MCUR1: variants seen among roughly 807,000 people sequenced by gnomAD.
The protein encoded by MCUR1 is mitochondrial calcium uniporter regulator 1.
Under a neutral mutation model 42.0 loss-of-function variants are expected in MCUR1, and 37 were observed. The observed-to-expected ratio is 0.88, with a 90% CI of 0.68 to 1.16. The LOEUF (loss-of-function observed/expected upper bound fraction) is 1.16, where lower values mean the gene tolerates loss of function less well. MCUR1 is among the 50% of genes most tolerant of loss of function. MCUR1 has a pLI of 0.00. For missense variants in MCUR1, 469 were observed against 468.4 expected, an observed-to-expected ratio of 1.00 and a Z score of -0.01; for synonymous variants, 229 against 196.2, an observed-to-expected ratio of 1.17 and a Z score of -1.40.
In MCUR1 at chr6:13,811,244, T is replaced by C. The variant is rs9475535; in HGVS notation, c.415+2771A>G. 4.6e-3 allele frequency among the ~76,000 whole-genome samples: 705 copies of C among 152,288 alleles called. 6 individuals carry two copies. The highest frequency in any genetic ancestry group is 0.014 in the African/African-American group (596 of 41,556). ...TTACTACATTATTTCCTCATCTGTA[T>C]CATCTATTTGTCCAAGCTGCCCAGG... On this transcript the variant is annotated intron_variant, in intron 1 of 8. Transcript: ENST00000379170.
intron 1 of MCUR1, among the ~76,000 whole-genome samples, chr6:13,808,980 G>A (rs1293053463): frequency 6.6e-6 from 1 of 152,038 alleles, no homozygotes; most frequent in Non-Finnish European, 1.5e-5. Context: ...TCGCTCTATT[G>A]CCCAGGATGG....
In MCUR1 at chr6:13,791,654, C is replaced by A. The variant is rs958984802; in HGVS notation, c.1024+224G>T. Among the ~76,000 whole-genome samples the A allele has an allele frequency of 9.2e-5, 14 of 152,198 alleles. No homozygotes were observed. The East Asian group carries it at 2.7e-3, about 29-fold the overall frequency. On this transcript the variant is annotated intron_variant, in intron 8 of 8. Coordinates refer to ENST00000379170, the MANE Select transcript of MCUR1 (RefSeq NM_001031713.4). ...TATCTTATCAAATTTCCAATTCTAT[C>A]AATTATAACGTACACAATTACTTTA...
intron 2 of MCUR1, among the ~76,000 whole-genome samples, chr6:13,805,461 T>C (rs1316931049): frequency 3.3e-5 from 5 of 152,190 alleles, no homozygotes; most frequent in Non-Finnish European, 7.3e-5. Flanking sequence ...TATTATCTTG[T>C]TTAATATTCA....
chr6:13,798,390 G>A (rs1030472605), intron 6 of MCUR1, among the ~76,000 whole-genome samples: 1 of 152,012 alleles, frequency 6.6e-6, no homozygotes, highest in South Asian at 2.1e-4. Flanking sequence ...GTGAGCTACC[G>A]CGCCCGGCCA....
chr6:13,797,661 T>C (rs1759887747), intron 6 of MCUR1, among the ~76,000 whole-genome samples: 1 of 147,422 alleles, frequency 6.8e-6, no homozygotes, highest in Non-Finnish European at 1.5e-5. Flanking sequence ...TGAGCTGAGA[T>C]CACACCACTG....
rs1483696675 is a variant in MCUR1, at chr6:13,806,997, C to G, written c.463G>C (p.Asp155His). Reference protein sequence around the residue: ...GSLQLERKRRDFTSSGSRKLY... With the variant: ...GSLQLERKRRHFTSSGSRKLY... Reference sequence around the variant, plus strand: ...TTCCTGCTCCCAGAAGAGGTGAAATCTCTCCTTTTGCGCTCCAGCTGCAGG... The same window carrying G: ...TTCCTGCTCCCAGAAGAGGTGAAATGTCTCCTTTTGCGCTCCAGCTGCAGG... Residue 155 changes from aspartate to histidine, a missense_variant, in exon 2 of 9, where the codon GAT becomes CAT. Coordinates refer to ENST00000379170, the MANE Select transcript of MCUR1 (RefSeq NM_001031713.4). 3.1e-6 allele frequency: 5 copies of G among 1,613,614 alleles called. No individual in the cohort carries two copies. Among genetic ancestry groups the G allele is most frequent in the Non-Finnish European group, 4.2e-6 (5 of 1,179,688 alleles).
intron 1 of MCUR1, among the ~76,000 whole-genome samples, chr6:13,813,430 A>G (rs1464758590): frequency 1.3e-5 from 2 of 152,142 alleles, no homozygotes; most frequent in Non-Finnish European, 2.9e-5. Context: ...ATATACATCA[A>G]TTATGCATAC....
chr6:13,811,224 A>G (rs1464911497), intron 1 of MCUR1, among the ~76,000 whole-genome samples: 11 of 152,244 alleles, frequency 7.2e-5, no homozygotes, highest in African/African-American at 2.2e-4. Context: ...AGCACTTACT[A>G]CATTATTTCC....
intron 6 of MCUR1, among the ~76,000 whole-genome samples, chr6:13,796,030 G>C (rs1041024976): frequency 6.6e-6 from 1 of 152,144 alleles, no homozygotes; most frequent in Admixed American, 6.6e-5. Flanking sequence ...CTGTGCATTG[G>C]TTGCTTTCTG....
At chr6:13,812,990 A>G (rs1323019235) in intron 1 of MCUR1, among the ~76,000 whole-genome samples, 2 of 152,238 alleles carry the variant, frequency 1.3e-5, no homozygotes, top group Admixed American at 1.3e-4. Flanking sequence ...CACACACGAC[A>G]GTGGTCTATG....
At chr6:13,808,058 G>C (rs183808378) in intron 1 of MCUR1, among the ~76,000 whole-genome samples, 36 of 152,342 alleles carry the variant, frequency 2.4e-4, no homozygotes, top group Admixed American at 2.1e-3. Context: ...TAGGCTATCA[G>C]GAGGGCTCTG....
chr6:13,797,169 C>T (rs1479355605), intron 6 of MCUR1, among the ~76,000 whole-genome samples: 1 of 152,168 alleles, frequency 6.6e-6, no homozygotes, highest in African/African-American at 2.4e-5. Flanking sequence ...ATCATTATAG[C>T]ACATTTTATC....
chr6:13,798,828 C>A lies in MCUR1; in HGVS notation c.855+5G>T. On this transcript the variant is annotated splice_donor_5th_base_variant and intron_variant, in intron 6 of 8. Transcript: ENST00000379170. ...TCATAATGTGTTTTTAGTAAAGGAA[C>A]GTACCAATTCTTTTACTCTGCTCTT... 1.2e-6 allele frequency: 2 copies of A among 1,607,552 alleles called. No homozygotes were observed. Among genetic ancestry groups the A allele is most frequent in the Non-Finnish European group, 1.7e-6 (2 of 1,175,236 alleles).
At chr6:13,801,419 T>C (rs1205421583) in intron 3 of MCUR1, 30 bp from the exon 4 acceptor site, 2 of 1,489,270 alleles carry the variant, frequency 1.3e-6, no homozygotes, top group African/African-American at 1.4e-5. Flanking sequence ...ACACATAATC[T>C]AGTCTACCCT....
chr6:13,787,104 G>A lies in MCUR1; in HGVS notation c.*3705C>T, dbSNP rs1431098878. 6.6e-6 allele frequency: 1 copy of A among 152,136 alleles called. No homozygotes were observed. The highest frequency in any genetic ancestry group is 2.4e-5 in the African/African-American group (1 of 41,432). 9.4% of individuals were successfully genotyped at this position (152,136 alleles called of 1,614,324 possible). On this transcript the variant is annotated 3_prime_UTR_variant, in exon 9 of 9. Coordinates refer to ENST00000379170, the MANE Select transcript of MCUR1 (RefSeq NM_001031713.4). The stretch of plus-strand genomic sequence containing the variant: ...AAGATTGCATGTTAGGGTGGGGGAA[G>A]ATAAATGCTTGCCAATACTGACATG...
intron 7 of MCUR1, 82 bp downstream of exon 7, chr6:13,793,812 T>C (rs6922822): frequency 0.25 from 301,932 of 1,209,482 alleles, 39,562 homozygotes; most frequent in African/African-American, 0.38. Flanking sequence ...TGTAACTTCC[T>C]ATTATCATTA....
rs1759665647 is a variant in MCUR1, at chr6:13,789,034, T to C, written c.*1775A>G. On this transcript the variant is annotated 3_prime_UTR_variant, in exon 9 of 9. Transcript: ENST00000379170. ...ATCTGCCTGTGGTTCCTTCACTGTATGTGTGTGCAGAGAAAGGCAGAAAAG... is the reference window on the plus strand; with the variant it reads ...ATCTGCCTGTGGTTCCTTCACTGTACGTGTGTGCAGAGAAAGGCAGAAAAG... The C allele has an allele frequency of 6.6e-6, 1 of 152,218 alleles. No homozygotes were observed. Among genetic ancestry groups the C allele is most frequent in the African/African-American group, 2.4e-5 (1 of 41,458 alleles). The allele number at this position is 152,218 out of a possible 1,614,324, so 9.4% of individuals were successfully genotyped here.
chr6:13,807,140 T>C lies in MCUR1; in HGVS notation c.416-96A>G, dbSNP rs1330344113. 2.2e-6 allele frequency: 3 copies of C among 1,349,242 alleles called. No homozygotes were observed. The African/African-American group carries it at 4.4e-5, about 20-fold the overall frequency. The allele number at this position is 1,349,242 out of a possible 1,614,324, so 83.6% of individuals were successfully genotyped here. On this transcript the variant is annotated intron_variant, in intron 1 of 8. Transcript: ENST00000379170. ...AATAAGGCATACCCCAAAGCCTTCG[T>C]GGTACTTTATAACAGCTTCGTTGAG...
At chr6:13,804,491 T>C (rs1760071080) in intron 2 of MCUR1, among the ~76,000 whole-genome samples, 2 of 151,334 alleles carry the variant, frequency 1.3e-5, no homozygotes, top group Non-Finnish European at 2.9e-5. Context: ...AGTAGAAGTC[T>C]TGGCCGGGCG....
Sources: allele counts gnomAD v4.1 joint callset (sites outside exome capture counted in the v4.1 genomes callset), GRCh38; gene constraint gnomAD v4.1.1; transcripts MANE v1.5; gene names NCBI Gene and HGNC (gene_info 2026-07-23, HGNC 2026-07-21).